The following RBM41 variants were observed in gnomAD, a reference collection of about 807,000 sequenced individuals.
RBM41 encodes RNA binding motif protein 41, also known as RNA-binding protein 41.
Under a neutral mutation model 30.8 loss-of-function variants are expected in RBM41, and 14 were observed. That is an observed-to-expected ratio of 0.45 (90% confidence interval 0.30 to 0.71). RBM41 has a LOEUF of 0.71. Among genes scored for constraint, RBM41 ranks in the 30% least tolerant of loss-of-function variants. RBM41 has a pLI of 0.08. For missense variants in RBM41, 276 were observed against 326.3 expected (o/e 0.85, Z 1.19); for synonymous variants, 120 against 110.1 (o/e 1.09, Z -0.56).
intron 1 of RBM41, among the ~76,000 whole-genome samples, chrX:107,118,402 A>T (rs1260948601): frequency 9.0e-6 from 1 of 111,265 alleles, no homozygotes; most frequent in Non-Finnish European, 1.9e-5. Flanking sequence ...GTAGGGGAGA[A>T]CGGCGAGGGG....
intron 6 of RBM41, among the ~76,000 whole-genome samples, chrX:107,080,915 T>C (rs183151051): frequency 9.7e-4 from 109 of 112,218 alleles, no homozygotes; most frequent in African/African-American, 3.3e-3. Context: ...GTATTTTGGA[T>C]ACAAGTTTTT....
chrX:107,108,291 C>A (rs1392175789), intron 5 of RBM41, among the ~76,000 whole-genome samples: 1 of 111,610 alleles, frequency 9.0e-6, no homozygotes, highest in African/African-American at 3.3e-5. Flanking sequence ...CAAGGACTGG[C>A]ACAAATAAGT....
intron 7 of RBM41, among the ~76,000 whole-genome samples, chrX:107,068,874 T>C (rs999542166): frequency 8.9e-6 from 1 of 112,391 alleles, no homozygotes; most frequent in African/African-American, 3.2e-5. Flanking sequence ...GTATATTAGC[T>C]TGCTCTCACT....
intron 6 of RBM41, among the ~76,000 whole-genome samples, chrX:107,070,853 C>T (rs1936032087): frequency 1.8e-5 from 2 of 109,732 alleles, no homozygotes; most frequent in Non-Finnish European, 1.9e-5. Flanking sequence ...GAGACCCTGT[C>T]TCTGCAAAAG....
chrX:107,106,970 G>A (rs1449230068), intron 5 of RBM41, among the ~76,000 whole-genome samples: 1 of 110,843 alleles, frequency 9.0e-6, no homozygotes. Context: ...GTATACATAT[G>A]TAACAAACCT....
At chrX:107,090,276 A>G (rs1922411081) in intron 5 of RBM41, among the ~76,000 whole-genome samples, 1 of 111,200 alleles carries the variant, frequency 9.0e-6, no homozygotes, top group Non-Finnish European at 1.9e-5. Context: ...CGGGAGGCTG[A>G]GGCAGGAGAA....
Position 107,067,479 on chromosome X carries a change from G to T in RBM41, c.*48C>A. On this transcript the variant is annotated 3_prime_UTR_variant, in exon 8 of 8. Transcript: ENST00000685964. ...GTCTATACATAAATCCTAGATCCAA[G>T]ATTCCAATTCAAGAAAGACCATCCA... 8.9e-7 allele frequency: 1 copy of T among 1,125,994 alleles called. No individual in the cohort carries two copies. 92.8% of individuals were successfully genotyped at this position (1,125,994 alleles called of 1,213,427 possible).
intron 6 of RBM41, 46 bp downstream of exon 6, chrX:107,088,390 T>G (rs769415104): frequency 8.8e-7 from 1 of 1,133,062 alleles, no homozygotes; most frequent in Non-Finnish European, 1.2e-6. Context: ...TAGAGGTAAA[T>G]AAAAGCGAAA....
chrX:107,092,661 T>C (rs762795460), intron 5 of RBM41, among the ~76,000 whole-genome samples: 1 of 111,715 alleles, frequency 9.0e-6, no homozygotes, highest in East Asian at 2.8e-4. Context: ...TTAGGAAGGG[T>C]ATAAGATACT....
downstream of RBM41, among the ~76,000 whole-genome samples, chrX:107,058,707 G>A (rs1005141040): frequency 1.8e-5 from 2 of 111,503 alleles, no homozygotes; most frequent in East Asian, 2.8e-4. Context: ...TAAGGGCCTC[G>A]TGTCAGGCTG....
intron 5 of RBM41, among the ~76,000 whole-genome samples, chrX:107,104,969 G>A (rs1208521733): frequency 1.8e-5 from 2 of 110,341 alleles, no homozygotes; most frequent in African/African-American, 3.3e-5. Flanking sequence ...AGACAGGGAT[G>A]CCCTCTCTCA....
chrX:107,058,436 G>A (rs1343551413), downstream of RBM41, among the ~76,000 whole-genome samples: 3 of 111,394 alleles, frequency 2.7e-5, no homozygotes, highest in East Asian at 8.4e-4. Flanking sequence ...CACCCTGTGA[G>A]GTAATAGTAT....
intron 6 of RBM41, among the ~76,000 whole-genome samples, chrX:107,083,553 C>T (rs1022917971): frequency 2.7e-5 from 3 of 111,125 alleles, no homozygotes; most frequent in African/African-American, 6.5e-5. Flanking sequence ...ACTCTGAAAT[C>T]GTCCCATAGT....
chrX:107,099,358 A>G lies in RBM41; in HGVS notation c.596-10519T>C, dbSNP rs192625310. The stretch of plus-strand genomic sequence containing the variant: ...TATCTTAGTGCTTTGGTGTTCACCC[A>G]TTGGTTATTTTGTCTTTAAAGTTAT... On this transcript the variant is annotated intron_variant, in intron 5 of 7. Transcript: ENST00000685964. 4.7e-3 allele frequency among the ~76,000 whole-genome samples: 522 copies of G among 111,631 alleles called. 4 individuals are homozygous for G. The highest frequency in any genetic ancestry group is 0.016 in the African/African-American group (487 of 30,745).
At chrX:107,074,672 T>C (rs1487438789) in intron 6 of RBM41, among the ~76,000 whole-genome samples, 1 of 111,585 alleles carries the variant, frequency 9.0e-6, no homozygotes, top group Non-Finnish European at 1.9e-5. Flanking sequence ...TACAACGGTA[T>C]TGAAAAGAAT....
chrX:107,067,628 C>A lies in RBM41; in HGVS notation c.1213G>T (p.Val405Leu). Residue 405 changes from valine (V) to leucine (L), a missense_variant, in exon 8 of 8, where the codon GTG becomes TTG. Transcript: ENST00000685964. ...NGYKLHGKIL[V>L]IEFGKNKKQR... Reference sequence around the variant, plus strand: ...TTTTTGTTCTTTCCAAACTCTATCACCAATATTTTCCCATGTAGTTTGTAT... The same window carrying A: ...TTTTTGTTCTTTCCAAACTCTATCAACAATATTTTCCCATGTAGTTTGTAT... 1 of 1,210,379 alleles carries A rather than the reference C, an allele frequency of 8.3e-7. No individual in the cohort carries two copies. The highest frequency in any genetic ancestry group is 1.1e-6 in the Non-Finnish European group (1 of 894,667).
downstream of RBM41, among the ~76,000 whole-genome samples, chrX:107,058,167 C>T (rs1461939724): frequency 9.2e-6 from 1 of 109,241 alleles, no homozygotes; most frequent in East Asian, 2.9e-4. Flanking sequence ...GTGGCACACA[C>T]CTGTAATCCC....
intron 6 of RBM41, among the ~76,000 whole-genome samples, chrX:107,078,781 ATTTAT>A (rs986658066): frequency 4.6e-5 from 5 of 109,417 alleles, no homozygotes; most frequent in South Asian, 4.1e-4. Context: ...TAAGATAATG[ATTTAT>A]TTTATTTTAT....
intron 5 of RBM41, among the ~76,000 whole-genome samples, chrX:107,103,493 G>C (rs1370601865): frequency 9.0e-6 from 1 of 111,074 alleles, no homozygotes; most frequent in Non-Finnish European, 1.9e-5. Context: ...CCTGCAGAGA[G>C]AGCATGGCCC....
Sources: allele counts gnomAD v4.1 joint callset (sites outside exome capture counted in the v4.1 genomes callset), GRCh38; gene constraint gnomAD v4.1.1; transcripts MANE v1.5; gene names NCBI Gene and HGNC (gene_info 2026-07-23, HGNC 2026-07-21).